Variants in EYA2 observed in about 807,000 individuals in gnomAD.
EYA2 encodes EYA transcriptional coactivator and phosphatase 2, also known as protein phosphatase EYA2.
A neutral mutation model predicts 69.2 loss-of-function variants in EYA2; 31 were observed. The ratio of observed to expected loss-of-function variants is 0.45; its 90% CI spans 0.34 to 0.60. EYA2 has a LOEUF of 0.60. Among genes scored for constraint, EYA2 ranks in the 20% least tolerant of loss-of-function variants. The pLI is 0.02. For synonymous variants in EYA2, 257 were observed against 279.4 expected, an observed-to-expected ratio of 0.92 and a Z score of 0.80; for missense variants, 622 against 701.2, an observed-to-expected ratio of 0.89 and a Z score of 1.28.
intron 1 of EYA2, among the ~76,000 whole-genome samples, chr20:46,949,277 G>T (rs1978657849): frequency 6.6e-6 from 1 of 152,190 alleles, no homozygotes. Flanking sequence ...AAACATACAT[G>T]AGCCGGTTCC....
chr20:47,068,269 A>C (rs536740307), intron 5 of EYA2, among the ~76,000 whole-genome samples: 1 of 152,260 alleles, frequency 6.6e-6, no homozygotes, highest in Non-Finnish European at 1.5e-5. Flanking sequence ...AAATGAATGC[A>C]TGCATGAATT....
chr20:47,011,292 C>A (rs1263410361), intron 4 of EYA2, among the ~76,000 whole-genome samples: 1 of 152,166 alleles, frequency 6.6e-6, no homozygotes, highest in African/African-American at 2.4e-5. Flanking sequence ...GAAACGAGTA[C>A]TCTGGGCTGT....
intron 1 of EYA2, among the ~76,000 whole-genome samples, chr20:46,973,168 A>G (rs1001549979): frequency 6.6e-5 from 10 of 152,204 alleles, no homozygotes; most frequent in African/African-American, 2.4e-4. Flanking sequence ...CCCTCCCCCA[A>G]ATTACTCTGA....
At chr20:47,183,170 AATG>A in intron 14 of EYA2, 118 bp from the exon 15 acceptor site, 2 of 844,908 alleles carry the variant, frequency 2.4e-6, no homozygotes, top group Middle Eastern at 2.8e-4. Flanking sequence ...TCAAGAACGA[AATG>A]ATGAATACCG....
chr20:47,078,405 T>G (rs1421507431), intron 7 of EYA2, among the ~76,000 whole-genome samples: 1 of 152,074 alleles, frequency 6.6e-6, no homozygotes, highest in Non-Finnish European at 1.5e-5. Context: ...ACTCTACTTT[T>G]GAAATTATCC....
At chr20:47,068,549 A>G (rs1053969255) in intron 5 of EYA2, among the ~76,000 whole-genome samples, 14 of 152,096 alleles carry the variant, frequency 9.2e-5, no homozygotes, top group African/African-American at 2.9e-4. Context: ...GTTTTCATAT[A>G]CTGATGCCTG....
At chr20:47,009,066 A>C (rs1982900953) in intron 4 of EYA2, among the ~76,000 whole-genome samples, 1 of 152,230 alleles carries the variant, frequency 6.6e-6, no homozygotes, top group South Asian at 2.1e-4. Flanking sequence ...CAGGCAGTGG[A>C]CCAGATTTGG....
intron 10 of EYA2, among the ~76,000 whole-genome samples, chr20:47,168,656 C>T (rs945786366): frequency 6.6e-6 from 1 of 152,060 alleles, no homozygotes; most frequent in Non-Finnish European, 1.5e-5. Context: ...AGCAGGTGTC[C>T]CTCCAGGAGC....
At chr20:47,176,006 G>C (rs1426495492) in intron 12 of EYA2, among the ~76,000 whole-genome samples, 1 of 150,754 alleles carries the variant, frequency 6.6e-6, no homozygotes, top group East Asian at 1.9e-4. Context: ...CAAGGTCCCT[G>C]TTTTCAAAGA....
rs535527484 is a variant in EYA2 at position 46,907,475 on chromosome 20, T to C, written c.-11+12488T>C. 5.9e-5 allele frequency among the ~76,000 whole-genome samples: 9 copies of C among 152,274 alleles called. No individual in the cohort carries two copies. The East Asian group carries it at 1.7e-3, about 29-fold the overall frequency. ...GGCCAGTCTGTGGCAGAGTGGGGAC[T>C]CCCCACCCTCTTTCAAGACGAGTGA... is the stretch of plus-strand genomic sequence containing the variant. On this transcript the variant is annotated intron_variant, in intron 1 of 15. Coordinates refer to ENST00000327619, the MANE Select transcript of EYA2 (RefSeq NM_005244.5).
intron 9 of EYA2, among the ~76,000 whole-genome samples, chr20:47,101,660 G>C (rs2032426737): frequency 6.6e-6 from 1 of 152,168 alleles, no homozygotes; most frequent in South Asian, 2.1e-4. Flanking sequence ...AACTGATGAG[G>C]AAACATAAAA....
At chr20:47,027,849 A>C (rs1438061759) in intron 5 of EYA2, among the ~76,000 whole-genome samples, 1 of 152,178 alleles carries the variant, frequency 6.6e-6, no homozygotes, top group African/African-American at 2.4e-5. Flanking sequence ...ATTTTGTTTA[A>C]TTTTAATTAA....
intron 9 of EYA2, among the ~76,000 whole-genome samples, chr20:47,128,086 G>T (rs554499651): frequency 6.6e-6 from 1 of 152,338 alleles, no homozygotes. Flanking sequence ...TAAGTGAGGG[G>T]AAAGGCTGGG....
intron 4 of EYA2, among the ~76,000 whole-genome samples, chr20:47,013,839 G>C (rs1983237787): frequency 6.6e-6 from 1 of 152,206 alleles, no homozygotes; most frequent in African/African-American, 2.4e-5. Context: ...AGAAGGTGCT[G>C]TATAAATATT....
chr20:47,062,276 T>C (rs2030922772), intron 5 of EYA2, among the ~76,000 whole-genome samples: 1 of 152,194 alleles, frequency 6.6e-6, no homozygotes, highest in South Asian at 2.1e-4. Flanking sequence ...TGAGTATCTG[T>C]CCATTAAACA....
At chr20:47,145,277 G>C (rs528385750) in intron 10 of EYA2, among the ~76,000 whole-genome samples, 88 of 152,272 alleles carry the variant, frequency 5.8e-4, no homozygotes, top group African/African-American at 2.1e-3. Flanking sequence ...TAAGGCAGTA[G>C]CACTTGAACC....
chr20:47,037,800 G>A (rs993923113), intron 5 of EYA2, among the ~76,000 whole-genome samples: 38 of 152,228 alleles, frequency 2.5e-4, no homozygotes, highest in African/African-American at 7.0e-4. Context: ...ATCACCTCCC[G>A]ATCTTAAGCT....
chr20:47,040,969 C>G (rs542389394), intron 5 of EYA2, among the ~76,000 whole-genome samples: 57 of 152,324 alleles, frequency 3.7e-4, no homozygotes, highest in Middle Eastern at 3.4e-3. Context: ...TGAGGCTCCA[C>G]TGTGTGCTCA....
chr20:46,918,977 T>C (rs991207441), intron 1 of EYA2, among the ~76,000 whole-genome samples: 1 of 152,256 alleles, frequency 6.6e-6, no homozygotes, highest in African/African-American at 2.4e-5. Flanking sequence ...TGAGAGCTCT[T>C]GGGTGACCAC....
Sources: allele counts gnomAD v4.1 joint callset (sites outside exome capture counted in the v4.1 genomes callset), GRCh38; gene constraint gnomAD v4.1.1; transcripts MANE v1.5; gene names NCBI Gene and HGNC (gene_info 2026-07-23, HGNC 2026-07-21).